The following FSTL4 variants were observed in gnomAD, a reference collection of about 807,000 sequenced individuals.
FSTL4 encodes follistatin like 4.
FSTL4 carries 28 observed loss-of-function variants against 78.2 expected under a neutral mutation model. The observed-to-expected ratio is 0.36, with a 90% CI of 0.27 to 0.49. FSTL4 has a LOEUF of 0.49. FSTL4 is among the 20% of genes least tolerant of loss of function. FSTL4 has a pLI of 0.98. For synonymous variants in FSTL4, 422 were observed against 440.5 expected (o/e 0.96, Z 0.53); for missense variants, 922 against 1,084.9 (o/e 0.85, Z 2.11).
chr5:133,726,814 A>G, the FSTL4 span, among the ~76,000 whole-genome samples: 1 of 152,236 alleles, frequency 6.6e-6, no homozygotes, highest in African/African-American at 2.4e-5. Flanking sequence ...AACCAGTTTG[A>G]ACAATTCTTT....
At chr5:133,633,897 G>A in the FSTL4 span, among the ~76,000 whole-genome samples, 1 of 152,012 alleles carries the variant, frequency 6.6e-6, no homozygotes, top group African/African-American at 2.4e-5. Flanking sequence ...GGCAAGGGTA[G>A]GAATTCAATC....
chr5:133,709,522 A>G, the FSTL4 span, among the ~76,000 whole-genome samples: 1 of 152,262 alleles, frequency 6.6e-6, no homozygotes, highest in Non-Finnish European at 1.5e-5. Flanking sequence ...TTCCCTAATG[A>G]AAAACAGCCA....
chr5:133,438,649 A>G (rs1168243247), intron 3 of FSTL4, among the ~76,000 whole-genome samples: 1 of 152,212 alleles, frequency 6.6e-6, no homozygotes, highest in Non-Finnish European at 1.5e-5. Context: ...GAGTTTGACT[A>G]AGTAAAGATT....
intron 6 of FSTL4, among the ~76,000 whole-genome samples, chr5:133,274,390 T>TTTTTTTTTTTTTTTTTTTTTTC (rs1370000847): frequency 6.8e-6 from 1 of 147,742 alleles, no homozygotes; most frequent in Non-Finnish European, 1.5e-5. Flanking sequence ...CTTTTTTTTT[T>TTTTTTTTTTTTTTTTTTTTTTC]TTTTTTAGGA....
At chr5:133,324,889 T>C (rs1335949101) in intron 4 of FSTL4, among the ~76,000 whole-genome samples, 4 of 152,232 alleles carry the variant, frequency 2.6e-5, no homozygotes, top group East Asian at 3.8e-4. Flanking sequence ...ATGTGGTACA[T>C]GTGGCCATGC....
At chr5:133,211,989 A>C (rs899822135) in intron 13 of FSTL4, among the ~76,000 whole-genome samples, 2 of 152,218 alleles carry the variant, frequency 1.3e-5, no homozygotes, top group Admixed American at 6.5e-5. Flanking sequence ...TTTAATTAAA[A>C]ACTCTTGTCC....
chr5:133,625,083 T>C, the FSTL4 span, among the ~76,000 whole-genome samples: 1 of 151,798 alleles, frequency 6.6e-6, no homozygotes. Flanking sequence ...TCTTTAATGT[T>C]TTTTTTGTAG....
the FSTL4 span, among the ~76,000 whole-genome samples, chr5:133,764,681 G>C: frequency 2.0e-5 from 3 of 152,206 alleles, no homozygotes; most frequent in Non-Finnish European, 2.9e-5. Context: ...TCTGAGCAAA[G>C]AGAAAGCTGG....
intron 4 of FSTL4, among the ~76,000 whole-genome samples, chr5:133,359,163 G>A (rs1218549716): frequency 2.0e-5 from 3 of 152,164 alleles, no homozygotes; most frequent in Non-Finnish European, 2.9e-5. Flanking sequence ...AATCTTTGGT[G>A]GCCATTCTGT....
At chr5:133,490,003 A>G (rs1235086680) in intron 3 of FSTL4, among the ~76,000 whole-genome samples, 1 of 152,256 alleles carries the variant, frequency 6.6e-6, no homozygotes, top group Non-Finnish European at 1.5e-5. Flanking sequence ...GCCAGGAAAC[A>G]TCTCATTCCA....
chr5:133,341,580 C>T (rs1334594293), intron 4 of FSTL4, among the ~76,000 whole-genome samples: 1 of 152,214 alleles, frequency 6.6e-6, no homozygotes, highest in Admixed American at 6.5e-5. Context: ...CTGTCTGGTG[C>T]TCTTTTGCCA....
the FSTL4 span, among the ~76,000 whole-genome samples, chr5:133,675,667 C>T: frequency 6.6e-6 from 1 of 152,334 alleles, no homozygotes; most frequent in Non-Finnish European, 1.5e-5. Context: ...TCTGCCAAAC[C>T]AGGCCCCAGG....
At chr5:133,570,133 C>G (rs903571420) in intron 2 of FSTL4, among the ~76,000 whole-genome samples, 1 of 151,234 alleles carries the variant, frequency 6.6e-6, no homozygotes, top group East Asian at 2.0e-4. Context: ...GGACTGAACC[C>G]GGGAGGTGGA....
At chr5:133,363,016 C>A (rs1034503984) in intron 4 of FSTL4, among the ~76,000 whole-genome samples, 1 of 152,048 alleles carries the variant, frequency 6.6e-6, no homozygotes, top group Non-Finnish European at 1.5e-5. Context: ...CCCTTTAGAG[C>A]TCTTATTTTA....
chr5:133,719,351 T>C, the FSTL4 span, among the ~76,000 whole-genome samples: 1 of 152,178 alleles, frequency 6.6e-6, no homozygotes, highest in Non-Finnish European at 1.5e-5. Flanking sequence ...TACAGTCTGC[T>C]ATGGCCAATA....
At chr5:133,675,593 G>T in the FSTL4 span, among the ~76,000 whole-genome samples, 4 of 152,186 alleles carry the variant, frequency 2.6e-5, no homozygotes, top group South Asian at 2.1e-4. Flanking sequence ...CTAGCGTGGT[G>T]CAGTCCCTGG....
intron 3 of FSTL4, among the ~76,000 whole-genome samples, chr5:133,425,180 T>G (rs1356260997): frequency 6.6e-6 from 1 of 152,116 alleles, no homozygotes; most frequent in East Asian, 1.9e-4. Flanking sequence ...ATTATAAAGT[T>G]TTTAGTTTGT....
At position 133,197,628 on chromosome 5, in the gene FSTL4, G is replaced by A. The variant is rs1479235146; in HGVS notation, c.*1467C>T. 1 of 152,252 alleles carries A rather than the reference G, an allele frequency of 6.6e-6. No homozygotes were observed. The highest frequency in any genetic ancestry group is 1.5e-5 in the Non-Finnish European group (1 of 68,050). 9.4% of individuals were successfully genotyped at this position (152,252 alleles called of 1,614,324 possible). A position where few individuals can be genotyped will look rare whatever the true frequency, so the allele number is the denominator to read the frequency against. ...AAAGAGTTCATTCCTTAATGGCAAA[G>A]GAAAATCCTGGTCATGTCAGTAGGT... is the stretch of plus-strand genomic sequence containing the variant. On this transcript the variant is annotated 3_prime_UTR_variant, in exon 16 of 16. Transcript: ENST00000265342.
At chr5:133,384,701 G>A (rs980248584) in intron 4 of FSTL4, among the ~76,000 whole-genome samples, 1 of 152,158 alleles carries the variant, frequency 6.6e-6, no homozygotes, top group Non-Finnish European at 1.5e-5. Context: ...GGGCAACACA[G>A]GTGATCTTTC....
Sources: allele counts gnomAD v4.1 joint callset (sites outside exome capture counted in the v4.1 genomes callset), GRCh38; gene constraint gnomAD v4.1.1; transcripts MANE v1.5; gene names NCBI Gene and HGNC (gene_info 2026-07-23, HGNC 2026-07-21).